The following SPNS2 variants were observed in gnomAD, a reference collection of about 807,000 sequenced individuals.
The protein encoded by SPNS2 is sphingosine-1-phosphate transporter SPNS2.
A neutral mutation model predicts 57.6 loss-of-function variants in SPNS2; 37 were observed. The ratio of observed to expected loss-of-function variants is 0.64; its 90% CI spans 0.49 to 0.85. The LOEUF (loss-of-function observed/expected upper bound fraction) is 0.85. Among genes scored for constraint, SPNS2 ranks in the 40% least tolerant of loss-of-function variants. The pLI is 0.00. For missense variants in SPNS2, 831 were observed against 779.1 expected, an observed-to-expected ratio of 1.07 and a Z score of -0.79; for synonymous variants, 440 against 346.9, an observed-to-expected ratio of 1.27 and a Z score of -2.98.
rs535395783 is a variant in SPNS2, at chr17:4,505,966, C to T, written c.370+6549C>T. On this transcript the variant is annotated intron_variant, in intron 1 of 12. Coordinates refer to ENST00000329078, the MANE Select transcript of SPNS2 (RefSeq NM_001124758.3). ...CCAAGAGGCAAAGAGCAGGATCAGG[C>T]TTTGTCAACTGAAAAGGGCTGTGCC... 5.3e-5 allele frequency among the ~76,000 whole-genome samples: 8 copies of T among 152,306 alleles called. No individual in the cohort carries two copies. The South Asian group carries it at 1.7e-3, about 32-fold the overall frequency.
Position 4,538,553 on chromosome 17 carries a change from C to G in SPNS2, c.*1105C>G. The G allele has an allele frequency of 2.9e-6, 1 of 343,090 alleles. No homozygotes were observed. 21.3% of individuals were successfully genotyped at this position (343,090 alleles called of 1,614,324 possible). ...CTGCCAACTTCACACCAGCCCCAAC[C>G]CGCTTTGGGGGAGCTTAGCCCCCTG... On this transcript the variant is annotated 3_prime_UTR_variant, in exon 13 of 13. Transcript: ENST00000329078.
rs376052159 is a variant in SPNS2, at chr17:4,528,115, C to T, written c.574-2517C>T. Among the ~76,000 whole-genome samples, 208 of 152,056 alleles carry T rather than the reference C, an allele frequency of 1.4e-3. 4 individuals carry two copies. The South Asian group carries it at 0.039, about 29-fold the overall frequency. ...TGGGTTCACTGCAACCTCCGCCTCC[C>T]GGGTTCAAGCGATTCTCCTGCCTCA... On this transcript the variant is annotated intron_variant, in intron 3 of 12. Coordinates refer to ENST00000329078, the MANE Select transcript of SPNS2 (RefSeq NM_001124758.3).
At position 4,525,009 on chromosome 17, in the gene SPNS2, C is replaced by T. The variant is rs143421798; in HGVS notation, c.437-48C>T. On this transcript the variant is annotated intron_variant, in intron 2 of 12. Coordinates refer to ENST00000329078, the MANE Select transcript of SPNS2 (RefSeq NM_001124758.3). ...GCCGGAGTGAAATGGGCCGGGAGGC[C>T]GGGGCGCAGGGACCTGGGCCCCCCC... 1,966 of 1,596,934 alleles carry T rather than the reference C, an allele frequency of 1.2e-3. 27 individuals carry two copies. In the African/African-American group the frequency reaches 0.023, roughly 19 times the overall value.
intron 9 of SPNS2, 72 bp from the exon 10 acceptor site, chr17:4,536,004 C>A: frequency 7.3e-7 from 1 of 1,361,366 alleles, no homozygotes. Flanking sequence ...TCAGAAGTGC[C>A]ACGGCCCGGG....
At chr17:4,520,872 A>G (rs569419823) in intron 2 of SPNS2, among the ~76,000 whole-genome samples, 38 of 152,322 alleles carry the variant, frequency 2.5e-4, no homozygotes, top group African/African-American at 8.4e-4. Flanking sequence ...TCATCTGTGC[A>G]TATGTCAAGG....
chr17:4,532,721 AG>A (rs1905550112), intron 6 of SPNS2, 37 bp downstream of exon 6: 1 of 1,601,518 alleles, frequency 6.2e-7, no homozygotes, highest in African/African-American at 1.3e-5. Context: ...GGGAAGAGAG[AG>A]GGGTGCTGAG....
In SPNS2 at chr17:4,533,144, G is replaced by C; in HGVS notation, c.1088+15G>C. 6.2e-7 allele frequency: 1 copy of C among 1,600,374 alleles called. No homozygotes were observed. On this transcript the variant is annotated intron_variant, in intron 7 of 12. Transcript: ENST00000329078. ...GCCAAGGACAGGTGGGGCCCCGCGG[G>C]GTGGGCCCAGGGCTGGTGAGGGACC...
intron 2 of SPNS2, among the ~76,000 whole-genome samples, chr17:4,517,560 G>A (rs1905026769): frequency 1.3e-5 from 2 of 152,270 alleles, no homozygotes; most frequent in South Asian, 4.1e-4. Context: ...GGAGGCTGAG[G>A]CAGGAGAATC....
At chr17:4,524,306 A>C (rs952318475) in intron 2 of SPNS2, among the ~76,000 whole-genome samples, 4 of 152,176 alleles carry the variant, frequency 2.6e-5, no homozygotes, top group Non-Finnish European at 2.9e-5. Flanking sequence ...GTCTTGGCCA[A>C]GTCACTCTCC....
rs1905446743 is a variant in SPNS2 at position 4,531,064 on chromosome 17, A to T, written c.737A>T (p.Tyr246Phe). 1 of 1,613,978 alleles carries T rather than the reference A, an allele frequency of 6.2e-7. No homozygotes were observed. The highest frequency in any genetic ancestry group is 8.5e-7 in the Non-Finnish European group (1 of 1,180,000). ...FAIPLGSGLGYITGSSVKQAA... is the reference protein window; with the variant it reads ...FAIPLGSGLGFITGSSVKQAA... The stretch of plus-strand genomic sequence containing the variant: ...TCTCTTCTCTGCAGTGGCCTGGGCT[A>T]CATTACTGGCTCCAGCGTGAAGCAG... The change falls in exon 5 of 13, where the codon TAC becomes TTC. Residue 246 changes from tyrosine to phenylalanine, a missense_variant. Transcript: ENST00000329078.
rs1295561019 is a variant in SPNS2 at position 4,510,707 on chromosome 17, C to CA, written c.371-2536dup. Among the ~76,000 whole-genome samples, 1 of 152,156 alleles carries CA rather than the reference C, an allele frequency of 6.6e-6. No homozygotes were observed. The highest frequency in any genetic ancestry group is 1.5e-5 in the Non-Finnish European group (1 of 68,042). On this transcript the variant is annotated intron_variant, in intron 1 of 12. Transcript: ENST00000329078. This position sits in a 1 kb window ranked among gnomAD's most constrained non-coding sequence, Gnocchi z 4.4. ...GCCCATCCTCTTGTCCACCCGACACCAAAATCGTGACTGTCCCTGCTCTGA... is the reference window on the plus strand; with the variant it reads ...GCCCATCCTCTTGTCCACCCGACACCAAAAATCGTGACTGTCCCTGCTCTGA...
At chr17:4,533,489 T>C (rs1040569220) in intron 8 of SPNS2, 57 bp downstream of exon 8, 30 of 1,506,902 alleles carry the variant, frequency 2.0e-5, no homozygotes, top group Middle Eastern at 1.8e-4. Flanking sequence ...CGCGGGAGGG[T>C]CTGGAACAGG....
chr17:4,513,023 C>T (rs1904885847), intron 1 of SPNS2, among the ~76,000 whole-genome samples: 1 of 152,252 alleles, frequency 6.6e-6, no homozygotes, highest in African/African-American at 2.4e-5. Context: ...CCTTTCCCTG[C>T]CCCTCGGGTC....
chr17:4,537,093 G>T, intron 12 of SPNS2, 147 bp downstream of exon 12: 1 of 869,026 alleles, frequency 1.2e-6, no homozygotes. Context: ...GATGTTGCCA[G>T]AATTTACTGA....
rs73335815 is a variant in SPNS2 at position 4,505,549 on chromosome 17, G to A, written c.370+6132G>A. On this transcript the variant is annotated intron_variant, in intron 1 of 12. Coordinates refer to ENST00000329078, the MANE Select transcript of SPNS2 (RefSeq NM_001124758.3). Reference sequence around the variant, plus strand: ...GCGCAACCCCCAAGCTGGGCAGAGCGGCTTTTCTACATGGCTTTTCTACAT... The same window carrying A: ...GCGCAACCCCCAAGCTGGGCAGAGCAGCTTTTCTACATGGCTTTTCTACAT... Among the ~76,000 whole-genome samples, 1,219 of 152,084 alleles carry A rather than the reference G, an allele frequency of 8.0e-3. 18 individuals carry two copies. Among genetic ancestry groups the A allele is most frequent in the African/African-American group, 0.026 (1,087 of 41,358 alleles).
chr17:4,513,105 G>T (rs1344598054), intron 1 of SPNS2, 142 bp from the exon 2 acceptor site: 2 of 852,414 alleles, frequency 2.3e-6, no homozygotes, highest in Non-Finnish European at 3.7e-6. Flanking sequence ...GGGAAACCTG[G>T]GCAGGGTAGA....
intron 3 of SPNS2, among the ~76,000 whole-genome samples, chr17:4,527,188 T>C (rs1369203650): frequency 6.6e-6 from 1 of 152,258 alleles, no homozygotes; most frequent in African/African-American, 2.4e-5. Flanking sequence ...TCTGGTAGAC[T>C]TTGGCAATGT....
intron 3 of SPNS2, among the ~76,000 whole-genome samples, chr17:4,529,413 G>A (rs544209434): frequency 3.9e-5 from 6 of 152,190 alleles, no homozygotes; most frequent in East Asian, 2.0e-4. Context: ...ACAGGGGGCC[G>A]GATGTGGTGG....
chr17:4,528,998 G>A (rs1368808089), intron 3 of SPNS2, among the ~76,000 whole-genome samples: 5 of 150,668 alleles, frequency 3.3e-5, no homozygotes, highest in African/African-American at 9.8e-5. Flanking sequence ...GTGCAGTGGC[G>A]CAATCTTGGC....
Sources: allele counts gnomAD v4.1 joint callset (sites outside exome capture counted in the v4.1 genomes callset), GRCh38; gene constraint gnomAD v4.1.1; non-coding constraint Gnocchi (gnomAD v3.1); transcripts MANE v1.5; gene names NCBI Gene and HGNC (gene_info 2026-07-23, HGNC 2026-07-21).